The following OR1M1 variants were observed in gnomAD, a reference collection of about 807,000 sequenced individuals.
The protein encoded by OR1M1 is olfactory receptor family 1 subfamily M member 1.
For missense variants in OR1M1, 397 were observed against 401.8 expected (o/e 0.99, Z 0.10); for synonymous variants, 157 against 165.5 (o/e 0.95, Z 0.39).
rs770869708 is a variant in OR1M1 at position 9,094,085 on chromosome 19, G to A, written c.841G>A (p.Val281Ile). ...AGCTTCTGCGGTGATGTACACAGCA[G>A]TCACCCCCATGCTGAATCCCTTCAT... ...EKASAVMYTAVTPMLNPFIYS... is the reference protein window; with the variant it reads ...EKASAVMYTAITPMLNPFIYS... The change falls in exon 2 of 2, where the codon GTC (valine) becomes ATC (isoleucine). Residue 281 changes from valine to isoleucine, a missense_variant. Val to Ile is a conservative substitution (Grantham distance 29). Coordinates refer to ENST00000641627, the MANE Select transcript of OR1M1 (RefSeq NM_001004456.2). 6.2e-7 allele frequency: 1 copy of A among 1,613,912 alleles called. No individual in the cohort carries two copies. Among genetic ancestry groups the A allele is most frequent in the Non-Finnish European group, 8.5e-7 (1 of 1,179,940 alleles).
Position 9,093,669 on chromosome 19 carries a change from G to C in OR1M1, c.425G>C (p.Arg142Pro), listed in dbSNP as rs199757859. 1.6e-5 allele frequency: 26 copies of C among 1,613,984 alleles called. No individual in the cohort carries two copies. Among genetic ancestry groups the C allele is most frequent in the Non-Finnish European group, 2.1e-5 (25 of 1,180,050 alleles). The change falls in exon 2 of 2, where the codon CGC becomes CCC. Residue 142 changes from arginine (R) to proline (P), a missense_variant. Arg to Pro is a moderately radical substitution (Grantham distance 103). Transcript: ENST00000641627. Reference protein sequence around the residue: ...YAKIMSLRLCRLLVGALWAFS... With the variant: ...YAKIMSLRLCPLLVGALWAFS... ...AAGATCATGAGCCTACGCCTCTGTC[G>C]CCTGCTGGTCGGCGCCCTCTGGGCG...
intron 1 of OR1M1, 121 bp from the exon 2 acceptor site, chr19:9,093,107 CACAT>C (rs2050303283): frequency 5.4e-6 from 3 of 557,234 alleles, no homozygotes; most frequent in Non-Finnish European, 6.4e-6. Context: ...CACACACACA[CACAT>C]ATATATATAT....
At chr19:9,087,312 C>G (rs2050269944) in intron 1 of OR1M1, among the ~76,000 whole-genome samples, 155 bp downstream of exon 1, 1 of 152,160 alleles carries the variant, frequency 6.6e-6, no homozygotes, top group Admixed American at 6.5e-5. Context: ...GAACCTTGCT[C>G]TGTTATTCAG....
chr19:9,087,530 C>A (rs535271392), intron 1 of OR1M1, among the ~76,000 whole-genome samples: 92 of 152,260 alleles, frequency 6.0e-4, no homozygotes, highest in African/African-American at 2.0e-3. Context: ...TGGCTCACTG[C>A]AACCTCTGAC....
intron 1 of OR1M1, 123 bp from the exon 2 acceptor site, chr19:9,093,109 C>CATATATATAT (rs1555707937): frequency 2.0e-6 from 1 of 490,332 alleles, no homozygotes; most frequent in African/African-American, 2.1e-5. Flanking sequence ...CACACACACA[C>CATATATATAT]ATATATATAT....
chr19:9,092,463 A>G (rs977115216), intron 1 of OR1M1, among the ~76,000 whole-genome samples: 4 of 151,992 alleles, frequency 2.6e-5, no homozygotes, highest in Admixed American at 1.3e-4. Flanking sequence ...AGCCAGGCTT[A>G]CTTATGGTGT....
chr19:9,092,306 T>C (rs1481954577), intron 1 of OR1M1, among the ~76,000 whole-genome samples: 4 of 151,860 alleles, frequency 2.6e-5, no homozygotes, highest in Admixed American at 2.0e-4. Context: ...ATATAAGCTG[T>C]TGTCAGGCCA....
rs780303366 is a variant in OR1M1 at position 9,093,955 on chromosome 19, C to CTTCT, written c.712_715dup (p.Ser239PhefsTer103). ...CCTCTGCAGGCGGCAGGAAGAAAGC[C>CTTCT]TTCTCCACCTGCAGCTCCCACCTGT... On this transcript the variant is annotated frameshift_variant, in exon 2 of 2. Coordinates refer to ENST00000641627, the MANE Select transcript of OR1M1 (RefSeq NM_001004456.2). LOFTEE classifies it low-confidence loss of function (END_TRUNC). The CTTCT allele has an allele frequency of 3.1e-6, 5 of 1,614,048 alleles. No homozygotes were observed. The East Asian group carries it at 1.1e-4, about 36-fold the overall frequency.
chr19:9,092,186 C>T (rs1018945526), intron 1 of OR1M1, among the ~76,000 whole-genome samples: 1 of 145,814 alleles, frequency 6.9e-6, no homozygotes, highest in African/African-American at 2.5e-5. Context: ...TCCCAAAGTG[C>T]TGTGATTACA....
In OR1M1 at chr19:9,093,568, C is replaced by T. The variant is rs556516727; in HGVS notation, c.324C>T (p.Gly108=). 6.3e-5 allele frequency: 102 copies of T among 1,614,156 alleles called. 1 individual carries two copies. In the South Asian group the frequency reaches 9.7e-4, roughly 15 times the overall value. Residue 108 remains glycine (G), a synonymous_variant, in exon 2 of 2, where the codon GGC becomes GGT. Transcript: ENST00000641627. ...AGATGTACTTCTTCCATTTCTTTGG[C>T]ATCGTGGACAGCGTCATAATCGCCA... ...LIQMYFFHFF[G]IVDSVIIAMM... is the part of the protein sequence containing the mutation.
rs1162461261 is a variant in OR1M1 at position 9,093,316 on chromosome 19, G to C, written c.72G>C (p.Glu24Asp). ...GACTCTCAGAAAAGCCAGAGCAGGAGACGCTTCTCTTTTCCCTGTTCTTCT... is the reference window on the plus strand; with the variant it reads ...GACTCTCAGAAAAGCCAGAGCAGGACACGCTTCTCTTTTCCCTGTTCTTCT... Reference protein sequence around the residue: ...LLGLSEKPEQETLLFSLFFCM... With the variant: ...LLGLSEKPEQDTLLFSLFFCM... The change falls in exon 2 of 2, where the codon GAG becomes GAC. Residue 24 changes from glutamate (E) to aspartate (D), a missense_variant. Physicochemically the swap from Glu to Asp is conservative, Grantham distance 45 (BLOSUM62 2). Coordinates refer to ENST00000641627, the MANE Select transcript of OR1M1 (RefSeq NM_001004456.2). The C allele has an allele frequency of 1.2e-6, 2 of 1,613,898 alleles. No individual in the cohort carries two copies. Among genetic ancestry groups the C allele is most frequent in the Admixed American group, 3.3e-5 (2 of 59,934 alleles).
rs1383360947 is a variant in OR1M1, at chr19:9,093,636, A to C, written c.392A>C (p.His131Pro). 20 of 1,614,036 alleles carry C rather than the reference A, an allele frequency of 1.2e-5. No homozygotes were observed. The highest frequency in any genetic ancestry group is 1.6e-5 in the Non-Finnish European group (19 of 1,180,048). ...DRFVAICHPL[H>P]YAKIMSLRLC... ...TTCGTGGCCATCTGCCACCCATTGC[A>C]CTACGCCAAGATCATGAGCCTACGC... is the stretch of plus-strand genomic sequence containing the variant. The change falls in exon 2 of 2, where the codon CAC (histidine) becomes CCC (proline). Residue 131 changes from histidine to proline, a missense_variant. Coordinates refer to ENST00000641627, the MANE Select transcript of OR1M1 (RefSeq NM_001004456.2).
chr19:9,094,187 C>A lies in OR1M1; in HGVS notation c.*1C>A, dbSNP rs2050314359. 4 of 1,582,930 alleles carry A rather than the reference C, an allele frequency of 2.5e-6. No individual in the cohort carries two copies. The highest frequency in any genetic ancestry group is 2.7e-5 in the African/African-American group (2 of 74,240). On this transcript the variant is annotated 3_prime_UTR_variant, in exon 2 of 2. Transcript: ENST00000641627. ...CAGAAAGATCACCTCATCTTCCTGA[C>A]CACCAGGACTCAGGAACTTCTGGGG...
At position 9,093,609 on chromosome 19, in the gene OR1M1, G is replaced by A. The variant is rs139156930; in HGVS notation, c.365G>A (p.Arg122Gln). The A allele has an allele frequency of 7.2e-5, 116 of 1,613,958 alleles. No individual in the cohort carries two copies. The highest frequency in any genetic ancestry group is 9.3e-5 in the African/African-American group (7 of 74,936). The change falls in exon 2 of 2, where the codon CGG becomes CAG. Residue 122 changes from arginine (R) to glutamine (Q), a missense_variant. Coordinates refer to ENST00000641627, the MANE Select transcript of OR1M1 (RefSeq NM_001004456.2). The part of the protein sequence containing the change: ...SVIIAMMAYD[R>Q]FVAICHPLHY... Reference sequence around the variant, plus strand: ...ATAATCGCCATGATGGCTTATGACCGGTTCGTGGCCATCTGCCACCCATTG... The same window carrying A: ...ATAATCGCCATGATGGCTTATGACCAGTTCGTGGCCATCTGCCACCCATTG...
intron 1 of OR1M1, 102 bp from the exon 2 acceptor site, chr19:9,093,130 G>A: frequency 1.7e-6 from 1 of 603,292 alleles, no homozygotes. Flanking sequence ...ATACACATCT[G>A]GTCTCATAAT....
intron 1 of OR1M1, among the ~76,000 whole-genome samples, chr19:9,087,915 G>T (rs1179267368): frequency 6.7e-6 from 1 of 150,352 alleles, no homozygotes; most frequent in Admixed American, 6.6e-5. Context: ...TTTTGAAATG[G>T]AGTCTTACTC....
intron 1 of OR1M1, among the ~76,000 whole-genome samples, chr19:9,089,022 C>T (rs1272477358): frequency 3.9e-5 from 6 of 152,074 alleles, no homozygotes; most frequent in African/African-American, 1.2e-4. Context: ...TTATCACAAA[C>T]ATTTATCATT....
chr19:9,094,371 A>C lies in OR1M1; in HGVS notation c.*185A>C. On this transcript the variant is annotated 3_prime_UTR_variant, in exon 2 of 2. Coordinates refer to ENST00000641627, the MANE Select transcript of OR1M1 (RefSeq NM_001004456.2). ...CAGTGGCGTGATCATAGATCACTGC[A>C]GCTTCAAACTTCTCTCTCTGTGTGC... 2.0e-6 allele frequency: 1 copy of C among 511,918 alleles called. No homozygotes were observed. Among genetic ancestry groups the C allele is most frequent in the East Asian group, 3.2e-5 (1 of 31,714 alleles). 31.7% of individuals were successfully genotyped at this position (511,918 alleles called of 1,614,324 possible). A position where few individuals can be genotyped will look rare whatever the true frequency, so the allele number is the denominator to read the frequency against.
intron 1 of OR1M1, among the ~76,000 whole-genome samples, chr19:9,090,536 C>T (rs2145903397): frequency 6.6e-6 from 1 of 152,214 alleles, no homozygotes; most frequent in South Asian, 2.1e-4. Context: ...TCGGGGCTCA[C>T]TGCAACCTCT....
Sources: gnomAD v4.1 joint callset for allele counts (sites outside exome capture counted in the v4.1 genomes callset) on GRCh38, gnomAD v4.1.1 for gene constraint, MANE v1.5 for transcripts, NCBI Gene and HGNC (gene_info 2026-07-23, HGNC 2026-07-21) for gene names.